Variants in RAB27B observed in about 807,000 individuals in gnomAD.
RAB27B encodes the protein RAB27B, member RAS oncogene family, also known as ras-related protein Rab-27B.
RAB27B carries 15 observed loss-of-function variants against 24.6 expected under a neutral mutation model. That is an observed-to-expected ratio of 0.61 (90% CI 0.41 to 0.94). The LOEUF (loss-of-function observed/expected upper bound fraction) is 0.94, where lower values mean the gene tolerates loss of function less well. RAB27B is among the 40% of genes least tolerant of loss of function. RAB27B has a pLI of 0.00. For synonymous variants in RAB27B, 105 were observed against 92.5 expected (o/e 1.14, Z -0.78); for missense variants, 261 against 266.8 (o/e 0.98, Z 0.15).
chr18:54,832,962 C>T (rs898482186), intron 1 of RAB27B, among the ~76,000 whole-genome samples: 1 of 152,162 alleles, frequency 6.6e-6, no homozygotes, highest in Non-Finnish European at 1.5e-5. Context: ...CCCAGAAAAA[C>T]TCATGAGGCT....
intron 1 of RAB27B, among the ~76,000 whole-genome samples, chr18:54,852,950 C>A (rs1240100046): frequency 6.6e-6 from 1 of 152,122 alleles, no homozygotes; most frequent in Admixed American, 6.5e-5. Flanking sequence ...GTTTCTGCAG[C>A]GGAGAACGCA....
chr18:54,840,934 G>T (rs2145200220), intron 1 of RAB27B, among the ~76,000 whole-genome samples: 1 of 152,144 alleles, frequency 6.6e-6, no homozygotes, highest in East Asian at 1.9e-4. Context: ...GGATCATGAG[G>T]TCAGGAGTTC....
At chr18:54,843,180 C>G (rs1364438983) in intron 1 of RAB27B, among the ~76,000 whole-genome samples, 1 of 152,080 alleles carries the variant, frequency 6.6e-6, no homozygotes, top group Admixed American at 6.5e-5. Flanking sequence ...ACCATTGTCA[C>G]TGGATATTGT....
intron 1 of RAB27B, among the ~76,000 whole-genome samples, chr18:54,854,503 G>T (rs528698000): frequency 6.6e-6 from 1 of 152,208 alleles, no homozygotes; most frequent in South Asian, 2.1e-4. Context: ...CTTAGTTTAG[G>T]TGGTTGTGGG....
intron 2 of RAB27B, among the ~76,000 whole-genome samples, chr18:54,811,994 G>A (rs1261195789): frequency 1.3e-5 from 2 of 152,152 alleles, no homozygotes; most frequent in Non-Finnish European, 2.9e-5. Flanking sequence ...GGTTCTGAGC[G>A]AATCCATCAC....
intron 2 of RAB27B, among the ~76,000 whole-genome samples, chr18:54,779,788 A>G (rs1243530202): frequency 6.6e-6 from 1 of 152,160 alleles, no homozygotes; most frequent in Non-Finnish European, 1.5e-5. Flanking sequence ...TAAACAGCAG[A>G]TATTTACTTT....
intron 2 of RAB27B, among the ~76,000 whole-genome samples, chr18:54,730,528 TG>T (rs1363245633): frequency 1.3e-5 from 2 of 152,090 alleles, no homozygotes; most frequent in Non-Finnish European, 2.9e-5. Context: ...CCAAATCTCA[TG>T]TTGAAATGTG....
At chr18:54,818,659 C>T (rs1422363636) in intron 2 of RAB27B, among the ~76,000 whole-genome samples, 1 of 152,078 alleles carries the variant, frequency 6.6e-6, no homozygotes, top group Admixed American at 6.5e-5. Flanking sequence ...AGAGCCTGAC[C>T]TCCCACTTTT....
At chr18:54,789,659 A>C (rs1909190283) in intron 2 of RAB27B, among the ~76,000 whole-genome samples, 1 of 152,104 alleles carries the variant, frequency 6.6e-6, no homozygotes, top group Non-Finnish European at 1.5e-5. Flanking sequence ...CTGTTAGGAA[A>C]AAAAACAATA....
chr18:54,796,873 C>T (rs1300018921), intron 2 of RAB27B, among the ~76,000 whole-genome samples: 1 of 152,122 alleles, frequency 6.6e-6, no homozygotes. Context: ...GAAAATAAGA[C>T]AAAATAGTGG....
intron 2 of RAB27B, among the ~76,000 whole-genome samples, chr18:54,878,658 A>G (rs9954811): frequency 0.36 from 54,187 of 151,964 alleles, 10,713 homozygotes; most frequent in Admixed American, 0.44. Flanking sequence ...TCCTGGCAGA[A>G]TTTTCCCTTT....
At chr18:54,757,477 A>G (rs1256479489) in intron 2 of RAB27B, among the ~76,000 whole-genome samples, 3 of 152,222 alleles carry the variant, frequency 2.0e-5, no homozygotes, top group Non-Finnish European at 4.4e-5. Context: ...CAACAATTGC[A>G]TAATAGTAAC....
intron 2 of RAB27B, among the ~76,000 whole-genome samples, chr18:54,751,378 A>G (rs1350829261): frequency 1.3e-5 from 2 of 152,082 alleles, no homozygotes; most frequent in Admixed American, 1.3e-4. Context: ...AGAATTTTGG[A>G]GGTGAAATAG....
intron 1 of RAB27B, among the ~76,000 whole-genome samples, chr18:54,860,388 C>T (rs1170037215): frequency 1.3e-5 from 2 of 152,092 alleles, no homozygotes; most frequent in African/African-American, 2.4e-5. Context: ...CCATCTAAGC[C>T]GAATCTCCTG....
rs1468806324 is a variant in RAB27B, at chr18:54,893,606, A to G, written c.*4193A>G. The G allele has an allele frequency of 6.6e-6, 1 of 152,038 alleles. No individual in the cohort carries two copies. The highest frequency in any genetic ancestry group is 2.4e-5 in the African/African-American group (1 of 41,426). 9.4% of individuals were successfully genotyped at this position (152,038 alleles called of 1,614,324 possible). On this transcript the variant is annotated 3_prime_UTR_variant, in exon 6 of 6. Transcript: ENST00000262094. Reference sequence around the variant, plus strand: ...GTTGAGCTCTTATACATGAAAATGGATATAGGCTATTCTCTGGGATGAGTG... The same window carrying G: ...GTTGAGCTCTTATACATGAAAATGGGTATAGGCTATTCTCTGGGATGAGTG...
At chr18:54,760,321 T>C (rs1908144529) in intron 2 of RAB27B, among the ~76,000 whole-genome samples, 1 of 152,074 alleles carries the variant, frequency 6.6e-6, no homozygotes, top group Non-Finnish European at 1.5e-5. Flanking sequence ...TTCAGAGGGA[T>C]AGGAATACAA....
At chr18:54,804,910 C>A (rs1909733768) in intron 2 of RAB27B, among the ~76,000 whole-genome samples, 3 of 114,876 alleles carry the variant, frequency 2.6e-5, no homozygotes, top group Non-Finnish European at 5.3e-5. Context: ...CTCTCTCTTT[C>A]TTTCTTTCTT....
intron 1 of RAB27B, among the ~76,000 whole-genome samples, chr18:54,844,162 G>A (rs952613986): frequency 9.2e-5 from 14 of 152,128 alleles, no homozygotes; most frequent in Non-Finnish European, 2.1e-4. Flanking sequence ...GGATATAACT[G>A]TGGGAAGAGA....
chr18:54,816,114 TG>T (rs1253957148), intron 2 of RAB27B, among the ~76,000 whole-genome samples: 2 of 152,228 alleles, frequency 1.3e-5, no homozygotes, highest in African/African-American at 4.8e-5. Flanking sequence ...TATGCTTAAG[TG>T]TGAGTAGCAA....
Sources: gnomAD v4.1 joint callset for allele counts (sites outside exome capture counted in the v4.1 genomes callset) on GRCh38, gnomAD v4.1.1 for gene constraint, MANE v1.5 for transcripts, NCBI Gene and HGNC (gene_info 2026-07-23, HGNC 2026-07-21) for gene names.